PCDHAC1: variants seen among roughly 807,000 people sequenced by gnomAD.
PCDHAC1 encodes protocadherin alpha subfamily C, 1, also known as protocadherin alpha-C1.
Under a neutral mutation model 60.0 loss-of-function variants are expected in PCDHAC1, and 42 were observed. The ratio of observed to expected loss-of-function variants is 0.70; its 90% CI spans 0.55 to 0.90. The LOEUF is 0.90. Among genes scored for constraint, PCDHAC1 ranks in the 40% least tolerant of loss-of-function variants. PCDHAC1 has a pLI of 0.00. For missense variants in PCDHAC1, 1,160 were observed against 1,222.3 expected (o/e 0.95, Z 0.76); for synonymous variants, 468 against 499.3 (o/e 0.94, Z 0.84).
intron 3 of PCDHAC1, among the ~76,000 whole-genome samples, chr5:140,993,250 T>G (rs1554253518): frequency 6.6e-6 from 1 of 152,154 alleles, no homozygotes; most frequent in East Asian, 1.9e-4. Context: ...GGGATTTAGA[T>G]ATATAAATTA....
At chr5:141,004,412 A>G (rs2098165544) in intron 3 of PCDHAC1, among the ~76,000 whole-genome samples, 1 of 152,164 alleles carries the variant, frequency 6.6e-6, no homozygotes, top group South Asian at 2.1e-4. Flanking sequence ...ACCTGACTAG[A>G]TCTCTGCCTC....
intron 3 of PCDHAC1, among the ~76,000 whole-genome samples, chr5:141,005,816 G>A (rs1295998009): frequency 1.3e-5 from 2 of 151,804 alleles, no homozygotes; most frequent in African/African-American, 4.8e-5. Context: ...AGCCAGGTAT[G>A]GTGGCCTGTA....
chr5:140,945,539 A>G (rs1233256432), intron 1 of PCDHAC1, among the ~76,000 whole-genome samples: 1 of 152,052 alleles, frequency 6.6e-6, no homozygotes, highest in Non-Finnish European at 1.5e-5. Flanking sequence ...AAACATACAA[A>G]CAAAAAAATG....
At position 140,949,239 on chromosome 5, in the gene PCDHAC1, C is replaced by T. The variant is rs563720988; in HGVS notation, c.2433+19914C>T. 4.0e-5 allele frequency among the ~76,000 whole-genome samples: 6 copies of T among 151,886 alleles called. No individual in the cohort carries two copies. The East Asian group carries it at 1.2e-3, about 29-fold the overall frequency. On this transcript the variant is annotated intron_variant, in intron 1 of 3. Transcript: ENST00000253807. ...TTAGACTTGTTCTGTGGCCCAGCAA[C>T]AGTCTATCTTGATGAACATATCACG...
intron 1 of PCDHAC1, among the ~76,000 whole-genome samples, chr5:140,958,355 C>A (rs2095420165): frequency 6.6e-6 from 1 of 152,064 alleles, no homozygotes; most frequent in Admixed American, 6.6e-5. Context: ...CACAGTCTGA[C>A]TTTATCAGGA....
At chr5:140,941,255 C>CTTTCTTTCTTTCTTTCTT (rs782490896) in intron 1 of PCDHAC1, among the ~76,000 whole-genome samples, 39 of 44,506 alleles carry the variant, frequency 8.8e-4, no homozygotes, top group Middle Eastern at 0.012. Flanking sequence ...TTCTTTCTTT[C>CTTTCTTTCTTTCTTTCTT]TCTTTCTTTC....
chr5:140,990,984 A>G (rs1213067851), intron 3 of PCDHAC1, among the ~76,000 whole-genome samples: 4 of 152,200 alleles, frequency 2.6e-5, no homozygotes, highest in Admixed American at 6.5e-5. Context: ...AAGGAAGACA[A>G]TAGCTACCAT....
intron 1 of PCDHAC1, among the ~76,000 whole-genome samples, chr5:140,958,824 A>G (rs1008923744): frequency 5.9e-5 from 9 of 152,158 alleles, no homozygotes; most frequent in Admixed American, 5.9e-4. Context: ...TAATTTTTAT[A>G]TCTTAAAGTT....
intron 1 of PCDHAC1, among the ~76,000 whole-genome samples, chr5:140,960,334 T>C (rs902345282): frequency 6.6e-6 from 1 of 152,182 alleles, no homozygotes; most frequent in African/African-American, 2.4e-5. Context: ...GAGAAGTACA[T>C]GAGGTGAGAT....
intron 3 of PCDHAC1, among the ~76,000 whole-genome samples, chr5:141,007,395 C>CAA (rs35800918): frequency 2.8e-4 from 27 of 94,848 alleles, no homozygotes; most frequent in South Asian, 7.0e-4. Context: ...TACTAAAATA[C>CAA]AAAAAAAAAA....
chr5:140,977,864 GGTAAGTATAAT>G (rs1175044090), intron 1 of PCDHAC1, among the ~76,000 whole-genome samples: 1 of 152,140 alleles, frequency 6.6e-6, no homozygotes, highest in Non-Finnish European at 1.5e-5. Context: ...TACCAAATAT[GGTAAGTATAAT>G]GTAGAGGAAA....
chr5:140,989,842 G>A (rs1411244835), intron 3 of PCDHAC1, among the ~76,000 whole-genome samples: 1 of 152,178 alleles, frequency 6.6e-6, no homozygotes, highest in Non-Finnish European at 1.5e-5. Context: ...GTCAATGAGT[G>A]TGTGGACTGG....
intron 1 of PCDHAC1, among the ~76,000 whole-genome samples, chr5:140,978,326 G>A: frequency 6.6e-6 from 1 of 152,202 alleles, no homozygotes; most frequent in East Asian, 1.9e-4. Flanking sequence ...ACAAGTACAA[G>A]TTTATGAAAA....
At chr5:140,966,677 A>C in intron 1 of PCDHAC1, 1 of 1,313,088 alleles carries the variant, frequency 7.6e-7, no homozygotes, top group Non-Finnish European at 9.8e-7. Flanking sequence ...GCAGGGTGGC[A>C]CGAGCGGAGG....
intron 3 of PCDHAC1, among the ~76,000 whole-genome samples, chr5:140,995,010 T>A (rs1382186138): frequency 6.6e-6 from 1 of 152,156 alleles, no homozygotes; most frequent in Non-Finnish European, 1.5e-5. Context: ...TTGTTTATAT[T>A]TAGGAAAGAA....
chr5:140,926,804 C>T lies in PCDHAC1; in HGVS notation c.-89C>T, dbSNP rs1298226109. On this transcript the variant is annotated 5_prime_UTR_variant, in exon 1 of 4. Transcript: ENST00000253807. Reference sequence around the variant, plus strand: ...CGGCCGGCAGGAGCGTGCTCTTCCCCGCGGCTCGTGCTCTCCAGGAGTCCG... The same window carrying T: ...CGGCCGGCAGGAGCGTGCTCTTCCCTGCGGCTCGTGCTCTCCAGGAGTCCG... 2.7e-6 allele frequency: 4 copies of T among 1,455,652 alleles called. No individual in the cohort carries two copies. Among genetic ancestry groups the T allele is most frequent in the East Asian group, 2.5e-5 (1 of 40,406 alleles). The allele number at this position is 1,455,652 out of a possible 1,614,324, so 90.2% of individuals were successfully genotyped here.
intron 1 of PCDHAC1, among the ~76,000 whole-genome samples, chr5:140,948,814 A>G (rs1284322137): frequency 1.3e-5 from 2 of 151,134 alleles, no homozygotes; most frequent in African/African-American, 4.8e-5. Context: ...TTTGGTTTCT[A>G]TTTCATTAAT....
chr5:141,006,794 A>G (rs1416356472), intron 3 of PCDHAC1, among the ~76,000 whole-genome samples: 1 of 152,160 alleles, frequency 6.6e-6, no homozygotes, highest in African/African-American at 2.4e-5. Context: ...ATTAGCTTTG[A>G]ACTTTCTGGC....
intron 1 of PCDHAC1, chr5:140,966,542 G>A (rs926112867): frequency 3.7e-5 from 17 of 464,420 alleles, no homozygotes; most frequent in African/African-American, 1.8e-4. Flanking sequence ...GAGCGACTCG[G>A]AGGCGAGCGG....
Sources: gnomAD v4.1 joint callset for allele counts (sites outside exome capture counted in the v4.1 genomes callset) on GRCh38, gnomAD v4.1.1 for gene constraint, MANE v1.5 for transcripts, NCBI Gene and HGNC (gene_info 2026-07-23, HGNC 2026-07-21) for gene names.